Variants in DACH1 observed in about 807,000 individuals in gnomAD.
The protein encoded by DACH1 is dachshund family transcription factor 1.
Under a neutral mutation model 54.2 loss-of-function variants are expected in DACH1, and 12 were observed. The ratio of observed to expected loss-of-function variants is 0.22; its 90% CI spans 0.14 to 0.36. The LOEUF is 0.36. Ranked by LOEUF, DACH1 falls within the 10% of genes least tolerant of loss-of-function variation. DACH1 has a pLI of 1.00. For synonymous variants in DACH1, 386 were observed against 366.2 expected, an observed-to-expected ratio of 1.05 and a Z score of -0.62; for missense variants, 805 against 929.8, an observed-to-expected ratio of 0.87 and a Z score of 1.75.
chr13:71,458,003 G>A (rs907684868), intron 10 of DACH1, among the ~76,000 whole-genome samples: 22 of 151,758 alleles, frequency 1.4e-4, no homozygotes, highest in Non-Finnish European at 3.1e-4. Context: ...TTTGGCTTTT[G>A]CATTTTCTTA....
intron 3 of DACH1, among the ~76,000 whole-genome samples, chr13:71,618,518 A>G (rs890229456): frequency 1.3e-5 from 2 of 152,036 alleles, no homozygotes; most frequent in Non-Finnish European, 2.9e-5. Flanking sequence ...TTGTGCATCA[A>G]TGGCAATATT....
intron 1 of DACH1, among the ~76,000 whole-genome samples, chr13:71,832,975 T>TTTTATG (rs1307041651): frequency 1.8e-4 from 27 of 151,882 alleles, no homozygotes; most frequent in African/African-American, 6.3e-4. Context: ...CTCCCTACTT[T>TTTTATG]TTTATTTTTA....
chr13:71,658,931 GT>G (rs1412905196), intron 2 of DACH1, among the ~76,000 whole-genome samples: 2 of 152,122 alleles, frequency 1.3e-5, no homozygotes, highest in East Asian at 3.9e-4. Flanking sequence ...TCTTCACTCT[GT>G]TTTTCTTAGG....
chr13:71,724,650 T>C (rs763762185), intron 1 of DACH1, among the ~76,000 whole-genome samples: 19 of 152,112 alleles, frequency 1.2e-4, no homozygotes, highest in Non-Finnish European at 2.2e-4. Context: ...GTATTACTTA[T>C]ATCAAAAAAT....
chr13:71,721,459 A>G (rs2138803736), intron 1 of DACH1, among the ~76,000 whole-genome samples: 1 of 152,254 alleles, frequency 6.6e-6, no homozygotes. Context: ...ACTTTTACTC[A>G]TTTGGTAACT....
intron 1 of DACH1, among the ~76,000 whole-genome samples, chr13:71,803,840 T>A (rs902016498): frequency 2.6e-4 from 39 of 152,152 alleles, no homozygotes; most frequent in Admixed American, 2.4e-3. Flanking sequence ...ACCTTCTCTT[T>A]CCTCTCTTTA....
rs1002775759 is a variant in DACH1 at position 71,555,604 on chromosome 13, G to A, written c.1570+1420C>T. Among the ~76,000 whole-genome samples the A allele has an allele frequency of 2.0e-5, 3 of 151,974 alleles. No homozygotes were observed. In the East Asian group the frequency reaches 5.8e-4, roughly 29 times the overall value. On this transcript the variant is annotated intron_variant, in intron 6 of 10. Transcript: ENST00000613252. ...GATCTGCCTGCCTCAGCCTCCCAAAGTGCTGGGATTACAGGTGTGAGCCAG... is the reference window on the plus strand; with the variant it reads ...GATCTGCCTGCCTCAGCCTCCCAAAATGCTGGGATTACAGGTGTGAGCCAG...
At chr13:71,671,445 A>C (rs1337013206) in intron 2 of DACH1, among the ~76,000 whole-genome samples, 1 of 152,076 alleles carries the variant, frequency 6.6e-6, no homozygotes, top group Non-Finnish European at 1.5e-5. Context: ...ACAAAAAAGT[A>C]GGAATGAATA....
intron 1 of DACH1, among the ~76,000 whole-genome samples, chr13:71,728,082 A>T (rs1883554582): frequency 6.6e-6 from 1 of 152,070 alleles, no homozygotes; most frequent in South Asian, 2.1e-4. Flanking sequence ...GCACTCTCAA[A>T]AATCTCTGCT....
intron 1 of DACH1, among the ~76,000 whole-genome samples, chr13:71,697,958 A>G (rs1881913517): frequency 1.3e-5 from 2 of 152,250 alleles, no homozygotes; most frequent in Non-Finnish European, 2.9e-5. Context: ...CTTTATAAGA[A>G]TGACATTAAT....
At chr13:71,773,641 G>A (rs981561761) in intron 1 of DACH1, among the ~76,000 whole-genome samples, 5 of 151,910 alleles carry the variant, frequency 3.3e-5, no homozygotes, top group African/African-American at 7.2e-5. Context: ...AAAATATGTC[G>A]CACTATATGT....
chr13:71,815,276 T>C (rs1887865248), intron 1 of DACH1, among the ~76,000 whole-genome samples: 1 of 148,374 alleles, frequency 6.7e-6, no homozygotes, highest in Non-Finnish European at 1.5e-5. Flanking sequence ...CACCACAGAC[T>C]GTTTTCTAGG....
At chr13:71,469,334 A>G (rs1876867079) in intron 10 of DACH1, among the ~76,000 whole-genome samples, 2 of 152,116 alleles carry the variant, frequency 1.3e-5, no homozygotes, top group Non-Finnish European at 2.9e-5. Context: ...AAATTCATTG[A>G]GTGACAGCAT....
At position 71,597,360 on chromosome 13, in the gene DACH1, A is replaced by T. The variant is rs575084547; in HGVS notation, c.1127-24348T>A. ...ACACATCATTCTGTACACAATAAGT[A>T]TACATAATTTTTTTAAATTTAAACA... On this transcript the variant is annotated intron_variant, in intron 3 of 10. Coordinates refer to ENST00000613252, the MANE Select transcript of DACH1 (RefSeq NM_080759.6). Among the ~76,000 whole-genome samples the T allele has an allele frequency of 3.1e-4, 47 of 152,340 alleles. 1 individual carries two copies. The South Asian group carries it at 9.5e-3, about 31-fold the overall frequency.
chr13:71,564,589 G>T (rs1237003492), intron 4 of DACH1, among the ~76,000 whole-genome samples: 1 of 151,580 alleles, frequency 6.6e-6, no homozygotes, highest in African/African-American at 2.4e-5. Flanking sequence ...GGATAATTCA[G>T]AATCAAAAAT....
chr13:71,787,298 G>A (rs768901397), intron 1 of DACH1, among the ~76,000 whole-genome samples: 13 of 152,322 alleles, frequency 8.5e-5, no homozygotes, highest in Non-Finnish European at 1.6e-4. Context: ...TCTAAGTACA[G>A]CTGGCAAATA....
At chr13:71,782,795 A>G (rs1364825871) in intron 1 of DACH1, among the ~76,000 whole-genome samples, 1 of 152,200 alleles carries the variant, frequency 6.6e-6, no homozygotes, top group Non-Finnish European at 1.5e-5. Flanking sequence ...TGCACATTTG[A>G]ATCTAGACAG....
chr13:71,534,568 T>C (rs1283919151), intron 6 of DACH1, among the ~76,000 whole-genome samples: 2 of 151,740 alleles, frequency 1.3e-5, no homozygotes, highest in African/African-American at 2.4e-5. Context: ...GTTTTGATGA[T>C]GCCCAAAGTG....
chr13:71,575,541 A>G (rs1359694728), intron 3 of DACH1, among the ~76,000 whole-genome samples: 1 of 152,070 alleles, frequency 6.6e-6, no homozygotes. Flanking sequence ...ATCAGTAGAG[A>G]TGCACAATAA....
Sources: gnomAD v4.1 joint callset for allele counts (sites outside exome capture counted in the v4.1 genomes callset) on GRCh38, gnomAD v4.1.1 for gene constraint, MANE v1.5 for transcripts, NCBI Gene and HGNC (gene_info 2026-07-23, HGNC 2026-07-21) for gene names.